ADAMTS14: variants seen among roughly 807,000 people sequenced by gnomAD.
The protein encoded by ADAMTS14 is ADAM metallopeptidase with thrombospondin type 1 motif 14.
ADAMTS14 carries 100 observed loss-of-function variants against 128.6 expected under a neutral mutation model. The ratio of observed to expected loss-of-function variants is 0.78; its 90% CI spans 0.66 to 0.92. The LOEUF is 0.92. Among genes scored for constraint, ADAMTS14 ranks in the 40% least tolerant of loss-of-function variants. The pLI, the probability that ADAMTS14 is intolerant of heterozygous loss-of-function variation, is 0.00. For synonymous variants in ADAMTS14, 665 were observed against 653.8 expected (o/e 1.02, Z -0.26); for missense variants, 1,562 against 1,658.6 (o/e 0.94, Z 1.01).
Position 70,761,014 on chromosome 10 carries a change from G to A in ADAMTS14, c.*161G>A, listed in dbSNP as rs1589351251. The stretch of plus-strand genomic sequence containing the variant: ...GCTGTGATGCTCTTTACCCCACAAA[G>A]CGGGGTGGGAGGAAGACAAAGATCA... On this transcript the variant is annotated 3_prime_UTR_variant, in exon 22 of 22. Transcript: ENST00000373207. 3 of 1,101,278 alleles carry A rather than the reference G, an allele frequency of 2.7e-6. No individual in the cohort carries two copies. Among genetic ancestry groups the A allele is most frequent in the East Asian group, 5.3e-5 (2 of 37,456 alleles). 68.2% of individuals were successfully genotyped at this position (1,101,278 alleles called of 1,614,324 possible).
intron 4 of ADAMTS14, among the ~76,000 whole-genome samples, chr10:70,709,045 A>C (rs1275305765): frequency 6.6e-6 from 1 of 152,178 alleles, no homozygotes; most frequent in African/African-American, 2.4e-5. Context: ...GAGGTGACCC[A>C]CCAGGCCTCC....
chr10:70,702,185 C>A, intron 2 of ADAMTS14, 127 bp from the exon 3 acceptor site: 1 of 1,387,206 alleles, frequency 7.2e-7, no homozygotes, highest in Non-Finnish European at 9.9e-7. Flanking sequence ...TCCTCAAGGT[C>A]CTGGAGGAAG....
At chr10:70,758,430 G>C (rs1356872058) in intron 21 of ADAMTS14, 145 bp downstream of exon 21, 1 of 673,532 alleles carries the variant, frequency 1.5e-6, no homozygotes, top group Admixed American at 3.2e-5. Context: ...CCTCAGTTAT[G>C]AAGTGGGGAG....
At position 70,734,037 on chromosome 10, in the gene ADAMTS14, T is replaced by C; in HGVS notation, c.1352+9T>C. ...CTCAGCCGCTACCTCCCGTAGGTCA[T>C]TCCTGCCCTCAGAGCTGGGATAGGG... On this transcript the variant is annotated intron_variant, in intron 8 of 21. Coordinates refer to ENST00000373207, the MANE Select transcript of ADAMTS14 (RefSeq NM_080722.4). 6.2e-7 allele frequency: 1 copy of C among 1,611,006 alleles called. No homozygotes were observed. The highest frequency in any genetic ancestry group is 1.1e-5 in the South Asian group (1 of 90,984).
In ADAMTS14 at chr10:70,753,901, A is replaced by T; in HGVS notation, c.2831A>T (p.His944Leu). 1 of 1,592,164 alleles carries T rather than the reference A, an allele frequency of 6.3e-7. No homozygotes were observed. Among genetic ancestry groups the T allele is most frequent in the Non-Finnish European group, 8.5e-7 (1 of 1,170,378 alleles). Reference sequence around the variant, plus strand: ...CTGCTGCCCCTCTCCAATGGAACCCACAAGGTCATGCCGGCCAAAGCCTGC... The same window carrying T: ...CTGCTGCCCCTCTCCAATGGAACCCTCAAGGTCATGCCGGCCAAAGCCTGC... ...QCLLPLSNGT[H>L]KVMPAKACAG... Residue 944 changes from histidine to leucine, a missense_variant, in exon 19 of 22, where the codon CAC becomes CTC. By Grantham distance (99) the His-to-Leu change is moderately conservative. Coordinates refer to ENST00000373207, the MANE Select transcript of ADAMTS14 (RefSeq NM_080722.4).
rs1258198067 is a variant in ADAMTS14, at chr10:70,732,315, T to G, written c.1164T>G (p.Asp388Glu). 1.9e-6 allele frequency: 3 copies of G among 1,614,048 alleles called. No homozygotes were observed. The highest frequency in any genetic ancestry group is 4.5e-5 in the East Asian group (2 of 44,890). The stretch of plus-strand genomic sequence containing the variant: ...GGAGCTGTGCCCTCAACCATGAGGA[T>G]GGCTTCTCCTCAGCCTTCGTGATAG... ...PLRSCALNHE[D>E]GFSSAFVIAH... Residue 388 changes from aspartate to glutamate, a missense_variant, in exon 7 of 22, where the codon GAT becomes GAG. Transcript: ENST00000373207.
intron 5 of ADAMTS14, among the ~76,000 whole-genome samples, chr10:70,729,694 T>G (rs1030684413): frequency 6.6e-6 from 1 of 152,182 alleles, no homozygotes; most frequent in Non-Finnish European, 1.5e-5. Context: ...CCTGGTGCCC[T>G]GCGCTCTGCA....
Position 70,760,732 on chromosome 10 carries a change from C to A in ADAMTS14, c.3551C>A (p.Pro1184His). ...GASWSISPTT[P>H]GGLPWGWTQT... ...TCCTGGAGCATCTCCCCTACCACCCCCGGGGGGCTGCCTTGGGGCTGGACT... is the reference window on the plus strand; with the variant it reads ...TCCTGGAGCATCTCCCCTACCACCCACGGGGGGCTGCCTTGGGGCTGGACT... The change falls in exon 22 of 22, where the codon CCC becomes CAC. Residue 1184 changes from proline to histidine, a missense_variant. Pro to His is a moderately conservative substitution (Grantham distance 77, BLOSUM62 -2). Coordinates refer to ENST00000373207, the MANE Select transcript of ADAMTS14 (RefSeq NM_080722.4). The A allele has an allele frequency of 3.7e-6, 6 of 1,614,068 alleles. No homozygotes were observed. Among genetic ancestry groups the A allele is most frequent in the Non-Finnish European group, 5.1e-6 (6 of 1,179,992 alleles).
At chr10:70,752,579 G>C (rs1451897392) in intron 18 of ADAMTS14, among the ~76,000 whole-genome samples, 1 of 152,186 alleles carries the variant, frequency 6.6e-6, no homozygotes, top group Non-Finnish European at 1.5e-5. Flanking sequence ...AGCTATGCCT[G>C]GTGGAGGGCT....
Position 70,749,928 on chromosome 10 carries a change from G to A in ADAMTS14, c.2370G>A (p.Glu790=), listed in dbSNP as rs1247486388. 5 of 1,614,022 alleles carry A rather than the reference G, an allele frequency of 3.1e-6. No individual in the cohort carries two copies. The highest frequency in any genetic ancestry group is 1.3e-5 in the African/African-American group (1 of 74,902). Residue 790 remains glutamate, a synonymous_variant, in exon 16 of 22, where the codon GAG becomes GAA. Coordinates refer to ENST00000373207, the MANE Select transcript of ADAMTS14 (RefSeq NM_080722.4). The stretch of plus-strand genomic sequence containing the variant: ...GCCTGGAGTGGGAGGATGCGGTGGA[G>A]GATGCCAAGGAAAGCCTCAAGACCA... The part of the protein sequence containing the change: ...AMGLEWEDAV[E]DAKESLKTSG...
At chr10:70,736,634 A>C in intron 9 of ADAMTS14, 46 bp from the exon 10 acceptor site, 1 of 1,574,510 alleles carries the variant, frequency 6.4e-7, no homozygotes, top group Non-Finnish European at 8.7e-7. Flanking sequence ...TTGTTCTTGG[A>C]CAAAGAGCCA....
chr10:70,728,095 CAA>C (rs548466130), intron 4 of ADAMTS14, among the ~76,000 whole-genome samples: 10 of 119,592 alleles, frequency 8.4e-5, no homozygotes, highest in Admixed American at 4.3e-4. Context: ...GACTCCACCT[CAA>C]AAAAAAAAAA....
At chr10:70,672,987 G>A (rs1486592092) in intron 1 of ADAMTS14, 103 bp downstream of exon 1, 12 of 1,335,222 alleles carry the variant, frequency 9.0e-6, no homozygotes, top group East Asian at 6.3e-5. Context: ...CCCGCGGGTG[G>A]GAGGCAGTAT....
intron 2 of ADAMTS14, among the ~76,000 whole-genome samples, chr10:70,687,973 C>A (rs1259235236): frequency 1.5e-5 from 1 of 68,896 alleles, no homozygotes; most frequent in Non-Finnish European, 3.0e-5. Context: ...TGACCCCCCC[C>A]CCGACCTCCC....
chr10:70,711,182 T>C (rs1181880356), intron 4 of ADAMTS14, among the ~76,000 whole-genome samples: 1 of 152,234 alleles, frequency 6.6e-6, no homozygotes. Context: ...CAGGTTCGCT[T>C]CTCTGTCTGT....
intron 19 of ADAMTS14, 21 bp from the exon 20 acceptor site, chr10:70,757,941 G>A (rs769796817): frequency 1.3e-6 from 2 of 1,591,628 alleles, no homozygotes; most frequent in Non-Finnish European, 1.7e-6. Context: ...GCTATGCCTG[G>A]CACTGACCCA....
chr10:70,685,068 CCT>C (rs1839917230), intron 2 of ADAMTS14, among the ~76,000 whole-genome samples: 1 of 152,240 alleles, frequency 6.6e-6, no homozygotes, highest in Non-Finnish European at 1.5e-5. Context: ...TATTTTTCTT[CCT>C]CTGTGTCTTC....
At chr10:70,721,803 C>T (rs1263748555) in intron 4 of ADAMTS14, among the ~76,000 whole-genome samples, 3 of 152,250 alleles carry the variant, frequency 2.0e-5, no homozygotes, top group Non-Finnish European at 4.4e-5. Context: ...GCACAGTCAG[C>T]ATAGTCCTCA....
At chr10:70,699,221 T>C (rs979837505) in intron 2 of ADAMTS14, among the ~76,000 whole-genome samples, 1 of 152,184 alleles carries the variant, frequency 6.6e-6, no homozygotes, top group Non-Finnish European at 1.5e-5. Flanking sequence ...ACTTGCTGGG[T>C]GACTTTGGGC....
Sources: allele counts gnomAD v4.1 joint callset (sites outside exome capture counted in the v4.1 genomes callset), GRCh38; gene constraint gnomAD v4.1.1; transcripts MANE v1.5; gene names NCBI Gene and HGNC (gene_info 2026-07-23, HGNC 2026-07-21).